NEGR1: variants seen among roughly 807,000 people sequenced by gnomAD.
The protein encoded by NEGR1 is neuronal growth regulator 1.
In NEGR1, 10 loss-of-function variants were observed where a neutral mutation model predicts 40.9. The ratio of observed to expected loss-of-function variants is 0.24; its 90% CI spans 0.15 to 0.42. The LOEUF is 0.42. Among genes scored for constraint, NEGR1 ranks in the 10% least tolerant of loss-of-function variants. The pLI is 1.00. For missense variants in NEGR1, 352 were observed against 438.9 expected (o/e 0.80, Z 1.77); for synonymous variants, 185 against 166.8 (o/e 1.11, Z -0.84).
At chr1:71,942,465 ATATATATATATATATATATTTTTT>A in intron 1 of NEGR1, among the ~76,000 whole-genome samples, 1 of 8,908 alleles carries the variant, frequency 1.1e-4, no homozygotes, top group Non-Finnish European at 2.6e-4. Context: ...CTATATATAT[ATATATATATATATATATATTTTTT>A]TTTTTTTTTT....
intron 1 of NEGR1, among the ~76,000 whole-genome samples, chr1:72,242,347 ATG>A (rs201646418): frequency 2.0e-5 from 3 of 151,558 alleles, no homozygotes; most frequent in African/African-American, 4.8e-5. Flanking sequence ...TTGCATGTAT[ATG>A]TGTGTGTCTG....
intron 3 of NEGR1, among the ~76,000 whole-genome samples, chr1:71,771,732 C>T (rs1237723326): frequency 9.9e-6 from 1 of 100,838 alleles, no homozygotes; most frequent in African/African-American, 3.1e-5. Flanking sequence ...AGGTGTGAAT[C>T]CACGAGTTCA....
chr1:71,560,429 T>TATATATATATATATATATA (rs1648410237), intron 6 of NEGR1, among the ~76,000 whole-genome samples: 3 of 114,266 alleles, frequency 2.6e-5, no homozygotes, highest in Non-Finnish European at 3.7e-5. Flanking sequence ...TAATTCTCCA[T>TATATATATATATATATATA]TATATATATA....
intron 1 of NEGR1, among the ~76,000 whole-genome samples, chr1:71,941,159 CAGA>C (rs1342150101): frequency 7.2e-5 from 11 of 152,066 alleles, no homozygotes; most frequent in African/African-American, 2.2e-4. Flanking sequence ...CTAAATTTGA[CAGA>C]AGGAGAACTT....
intron 2 of NEGR1, among the ~76,000 whole-genome samples, chr1:71,922,691 T>C (rs1334733656): frequency 6.6e-6 from 1 of 152,202 alleles, no homozygotes; most frequent in Non-Finnish European, 1.5e-5. Flanking sequence ...AAAGGACCTA[T>C]ATGTACACTA....
chr1:72,084,615 A>G (rs1266593187), intron 1 of NEGR1, among the ~76,000 whole-genome samples: 1 of 152,098 alleles, frequency 6.6e-6, no homozygotes, highest in Non-Finnish European at 1.5e-5. Context: ...AGCCTCTTTT[A>G]CTGCCTGGAA....
intron 2 of NEGR1, among the ~76,000 whole-genome samples, chr1:71,853,477 T>A (rs946880696): frequency 5.9e-5 from 9 of 152,100 alleles, no homozygotes; most frequent in African/African-American, 2.2e-4. Context: ...AAGACAATTG[T>A]GTCCAGTATA....
chr1:71,469,202 T>C (rs1345072037), intron 6 of NEGR1, among the ~76,000 whole-genome samples: 2 of 152,032 alleles, frequency 1.3e-5, no homozygotes, highest in East Asian at 3.9e-4. Flanking sequence ...AACACATAGT[T>C]TGTCATCTTG....
intron 6 of NEGR1, among the ~76,000 whole-genome samples, chr1:71,414,375 C>T (rs1244705660): frequency 6.6e-6 from 1 of 152,198 alleles, no homozygotes; most frequent in African/African-American, 2.4e-5. Flanking sequence ...TCAGATTACA[C>T]TTCCCTTTTT....
At chr1:72,212,936 G>C (rs148468320) in intron 1 of NEGR1, among the ~76,000 whole-genome samples, 320 of 151,994 alleles carry the variant, frequency 2.1e-3, no homozygotes, top group African/African-American at 7.4e-3. Flanking sequence ...TACTATGAGA[G>C]AGCAGTCAGA....
At chr1:71,730,571 A>T (rs182902866) in intron 3 of NEGR1, among the ~76,000 whole-genome samples, 2,654 of 142,908 alleles carry the variant, frequency 0.019, 72 homozygotes, top group African/African-American at 0.059. Flanking sequence ...GTATAAATTT[A>T]TATATATATA....
intron 1 of NEGR1, among the ~76,000 whole-genome samples, chr1:72,186,189 A>G (rs1652606179): frequency 6.6e-6 from 1 of 151,664 alleles, no homozygotes; most frequent in Non-Finnish European, 1.5e-5. Context: ...AGTTTACATC[A>G]TTTGCCACCT....
intron 6 of NEGR1, among the ~76,000 whole-genome samples, chr1:71,571,908 T>C (rs1408142990): frequency 6.6e-6 from 1 of 151,844 alleles, no homozygotes; most frequent in Non-Finnish European, 1.5e-5. Context: ...CACAAAGTAA[T>C]ATGCCTTGCC....
chr1:72,253,804 A>G (rs2100534209), intron 1 of NEGR1, among the ~76,000 whole-genome samples: 1 of 152,366 alleles, frequency 6.6e-6, no homozygotes, highest in African/African-American at 2.4e-5. Context: ...TAGTGCATCA[A>G]TGATATTGAA....
rs560982021 is a variant in NEGR1 at position 71,984,308 on chromosome 1, T to C, written c.177-48997A>G. On this transcript the variant is annotated intron_variant, in intron 1 of 6. Coordinates refer to ENST00000357731, the MANE Select transcript of NEGR1 (RefSeq NM_173808.3). The stretch of plus-strand genomic sequence containing the variant: ...CTTTTTTTTAATTAAAAAAATGATT[T>C]GTAGATACAGGGTCTCACCATGTTG... Among the ~76,000 whole-genome samples the C allele has an allele frequency of 1.3e-5, 2 of 151,590 alleles. 1 individual carries two copies. Among genetic ancestry groups the C allele is most frequent in the Non-Finnish European group, 2.9e-5 (2 of 67,884 alleles).
At chr1:71,548,228 A>G (rs1647964828) in intron 6 of NEGR1, among the ~76,000 whole-genome samples, 1 of 151,732 alleles carries the variant, frequency 6.6e-6, no homozygotes, top group South Asian at 2.1e-4. Flanking sequence ...TTATGCATCA[A>G]AACATAACTA....
At chr1:71,971,491 A>G (rs2100319535) in intron 1 of NEGR1, among the ~76,000 whole-genome samples, 1 of 152,330 alleles carries the variant, frequency 6.6e-6, no homozygotes, top group East Asian at 1.9e-4. Context: ...ATGAGATTAT[A>G]CACATGAAAT....
rs528427320 is a variant in NEGR1, at chr1:71,715,424, G to T, written c.536-17285C>A. Among the ~76,000 whole-genome samples the T allele has an allele frequency of 1.5e-4, 23 of 152,272 alleles. 1 individual carries two copies. The East Asian group carries it at 4.1e-3, about 27-fold the overall frequency. On this transcript the variant is annotated intron_variant, in intron 3 of 6. Coordinates refer to ENST00000357731, the MANE Select transcript of NEGR1 (RefSeq NM_173808.3). ...TGCAGTGGTCTTGAATTTATACTCA[G>T]AAATGAGTTTTTCTTTTCTACCATA...
rs987925972 is a variant in NEGR1, at chr1:71,603,194, C to G, written c.788+7832G>C. On this transcript the variant is annotated intron_variant, in intron 5 of 6. Coordinates refer to ENST00000357731, the MANE Select transcript of NEGR1 (RefSeq NM_173808.3). ...TTACAGGTGAATGAAGAAGTGAAATCTGAAGTTAGAAGAGAAGATCACTGT... is the reference window on the plus strand; with the variant it reads ...TTACAGGTGAATGAAGAAGTGAAATGTGAAGTTAGAAGAGAAGATCACTGT... Among the ~76,000 whole-genome samples, 8 of 152,262 alleles carry G rather than the reference C, an allele frequency of 5.3e-5. No individual in the cohort carries two copies. The South Asian group carries it at 1.2e-3, about 24-fold the overall frequency.
Sources: allele counts gnomAD v4.1 joint callset (sites outside exome capture counted in the v4.1 genomes callset), GRCh38; gene constraint gnomAD v4.1.1; transcripts MANE v1.5; gene names NCBI Gene and HGNC (gene_info 2026-07-23, HGNC 2026-07-21).